Variants in SRCAP observed in about 807,000 individuals in gnomAD.
SRCAP encodes Snf2 related CREBBP activator protein.
A neutral mutation model predicts 263.1 loss-of-function variants in SRCAP; 46 were observed. The ratio of observed to expected loss-of-function variants is 0.17; its 90% CI spans 0.14 to 0.22. The LOEUF is 0.22. Ranked by LOEUF, SRCAP falls within the 10% of genes least tolerant of loss-of-function variation. The pLI, the probability that SRCAP is intolerant of heterozygous loss-of-function variation, is 1.00. For synonymous variants in SRCAP, 1,813 were observed against 1,662.1 expected, an observed-to-expected ratio of 1.09 and a Z score of -2.21; for missense variants, 3,695 against 4,181.9, an observed-to-expected ratio of 0.88 and a Z score of 3.21.
At chr16:30,734,470 A>G in intron 30 of SRCAP, 26 bp from the exon 31 acceptor site, 1 of 1,613,016 alleles carries the variant, frequency 6.2e-7, no homozygotes, top group Non-Finnish European at 8.5e-7. Flanking sequence ...GTTGACTCTG[A>G]CACTTCCCTC....
At chr16:30,731,348 G>T (rs74315902) in intron 27 of SRCAP, among the ~76,000 whole-genome samples, 2,585 of 152,274 alleles carry the variant, frequency 0.017, 48 homozygotes, top group Non-Finnish European at 0.024. Flanking sequence ...GCTGTCCAGG[G>T]TTAATCAGGT....
At chr16:30,727,615 C>T (rs994299106) in intron 25 of SRCAP, among the ~76,000 whole-genome samples, 2 of 152,106 alleles carry the variant, frequency 1.3e-5, no homozygotes, top group East Asian at 3.9e-4. Flanking sequence ...TGCAGTGGTG[C>T]GATCTCAGCT....
Position 30,710,838 on chromosome 16 carries a change from G to A in SRCAP, c.1219G>A (p.Glu407Lys), listed in dbSNP as rs2151287995. ...DEDDEEFTANEEEAEDEEDTI... is the reference protein window; with the variant it reads ...DEDDEEFTANKEEAEDEEDTI... ...AGATGATGAAGAGTTTACTGCCAAC[G>A]AAGAGGAAGGTCAGGGCTGTTCGGT... The change falls in exon 9 of 34, where the codon GAA becomes AAA. Residue 407 changes from glutamate (E) to lysine (K), a missense_variant. By Grantham distance (56) the Glu-to-Lys change is moderately conservative. Coordinates refer to ENST00000262518, the MANE Select transcript of SRCAP (RefSeq NM_006662.3). 1.9e-6 allele frequency: 3 copies of A among 1,614,148 alleles called. No homozygotes were observed. The highest frequency in any genetic ancestry group is 2.5e-6 in the Non-Finnish European group (3 of 1,180,010).
rs1314911843 is a variant in SRCAP at position 30,738,897 on chromosome 16, A to G, written c.8857A>G (p.Thr2953Ala). 1.2e-6 allele frequency: 2 copies of G among 1,613,958 alleles called. No homozygotes were observed. Among genetic ancestry groups the G allele is most frequent in the Non-Finnish European group, 1.7e-6 (2 of 1,180,028 alleles). Residue 2953 changes from threonine to alanine, a missense_variant, in exon 34 of 34, where the codon ACC becomes GCC. Around this residue, in one of 12 missense-constraint regions of SRCAP, gnomAD observed 1,207 missense variants for 1,142.9 expected, o/e 1.06. Transcript: ENST00000262518. ...PKARDLPIPG[T>A]ISSAGDGNSE... ...AGCACGAGATTTGCCCATCCCTGGG[A>G]CCATTTCCTCTGCAGGGGATGGCAA...
intron 1 of SRCAP, 55 bp downstream of exon 1, chr16:30,699,297 A>G (rs1313623515): frequency 5.0e-6 from 2 of 398,340 alleles, no homozygotes; most frequent in Non-Finnish European, 8.9e-6. Flanking sequence ...CAAAGCCGGC[A>G]CTGTGGTTTA....
intron 6 of SRCAP, 33 bp downstream of exon 6, chr16:30,707,745 CT>C (rs2052843498): frequency 6.2e-7 from 1 of 1,612,386 alleles, no homozygotes; most frequent in Non-Finnish European, 8.5e-7. Flanking sequence ...GGAAAATGGC[CT>C]TGGATTAGAT....
At chr16:30,730,132 G>A (rs2053099545) in intron 27 of SRCAP, among the ~76,000 whole-genome samples, 1 of 152,184 alleles carries the variant, frequency 6.6e-6, no homozygotes, top group South Asian at 2.1e-4. Context: ...ATCATTTTGT[G>A]AACATGTTAC....
intron 27 of SRCAP, among the ~76,000 whole-genome samples, chr16:30,732,673 G>A (rs1014323867): frequency 6.6e-6 from 1 of 152,122 alleles, no homozygotes; most frequent in Non-Finnish European, 1.5e-5. Context: ...TATGACTATT[G>A]TAATACTTAA....
chr16:30,722,647 C>G lies in SRCAP; in HGVS notation c.3791C>G (p.Ala1264Gly). 6.2e-7 allele frequency: 1 copy of G among 1,614,070 alleles called. No individual in the cohort carries two copies. The highest frequency in any genetic ancestry group is 8.5e-7 in the Non-Finnish European group (1 of 1,180,006). ...PAHVALIQAV[A>G]PTPGPTPVSV... Reference sequence around the variant, plus strand: ...CATGTGGCCCTCATCCAGGCCGTGGCCCCGACCCCTGGCCCTACCCCTGTC... The same window carrying G: ...CATGTGGCCCTCATCCAGGCCGTGGGCCCGACCCCTGGCCCTACCCCTGTC... The change falls in exon 23 of 34, where the codon GCC becomes GGC. Residue 1264 changes from alanine (A) to glycine (G), a missense_variant. By Grantham distance (60) the Ala-to-Gly change is moderately conservative (BLOSUM62 0). Coordinates refer to ENST00000262518, the MANE Select transcript of SRCAP (RefSeq NM_006662.3).
rs1360501776 is a variant in SRCAP at position 30,737,381 on chromosome 16, A to G, written c.7341A>G (p.Pro2447=). 1 of 1,613,242 alleles carries G rather than the reference A, an allele frequency of 6.2e-7. No individual in the cohort carries two copies. Among genetic ancestry groups the G allele is most frequent in the Admixed American group, 1.7e-5 (1 of 59,916 alleles). The change falls in exon 34 of 34, where the codon CCA becomes CCG. Residue 2447 remains proline, a synonymous_variant. Transcript: ENST00000262518. ...CAGCACCTAGGCCTCGACCCACTCC[A>G]GCTTCAGCTCCGGCTGCAATTCCTG... ...PRPAPRPRPT[P]ASAPAAIPAL...
Position 30,733,639 on chromosome 16 carries a change from T to G in SRCAP, c.6335T>G (p.Phe2112Cys). The G allele has an allele frequency of 6.2e-7, 1 of 1,614,184 alleles. No individual in the cohort carries two copies. Among genetic ancestry groups the G allele is most frequent in the Middle Eastern group, 1.6e-4 (1 of 6,062 alleles). The change falls in exon 29 of 34, where the codon TTC (phenylalanine) becomes TGC (cysteine). Residue 2112 changes from phenylalanine (F) to cysteine (C), a missense_variant. Transcript: ENST00000262518. This position sits in a 1 kb window ranked among gnomAD's most constrained non-coding sequence, Gnocchi z 5.3. ...CGGTTCAATGCAGACAAACGCATAT[T>G]CTGCTTCATCCTTTCAACTCGGAGT... Reference protein sequence around the residue: ...MERFNADKRIFCFILSTRSGG... With the variant: ...MERFNADKRICCFILSTRSGG...
Position 30,718,184 on chromosome 16 carries a change from TTGGG to T in SRCAP, c.2817+1710_2817+1713del, listed in dbSNP as rs533208802. On this transcript the variant is annotated intron_variant, in intron 18 of 33. Coordinates refer to ENST00000262518, the MANE Select transcript of SRCAP (RefSeq NM_006662.3). ...TACCACACCTAGTTTTAATTTTTTT[TTGGG>T]TGGGGGGGGCAGAGTTCTGCTCTTG... Among the ~76,000 whole-genome samples the T allele has an allele frequency of 3.1e-3, 470 of 152,010 alleles. 1 individual carries two copies. The highest frequency in any genetic ancestry group is 5.0e-3 in the Non-Finnish European group (340 of 67,932).
At chr16:30,734,724 C>G (rs1221410655) in intron 31 of SRCAP, 109 bp downstream of exon 31, 1 of 1,505,718 alleles carries the variant, frequency 6.6e-7, no homozygotes, top group Non-Finnish European at 9.0e-7. Context: ...TCTTCTGCTT[C>G]CCAGATTACA....
chr16:30,710,705 C>G (rs2052879980), intron 8 of SRCAP, 49 bp from the exon 9 acceptor site: 6 of 1,587,786 alleles, frequency 3.8e-6, no homozygotes, highest in Non-Finnish European at 5.2e-6. Flanking sequence ...TGCCATTCTT[C>G]TGCTACTGTA....
chr16:30,707,443 G>A, intron 5 of SRCAP, 75 bp downstream of exon 5: 2 of 1,603,624 alleles, frequency 1.2e-6, no homozygotes, highest in Non-Finnish European at 1.7e-6. Flanking sequence ...AAGGGGACCA[G>A]ACAGAATGGT....
chr16:30,739,871 A>C lies in SRCAP; in HGVS notation c.*138A>C. 3.8e-6 allele frequency: 5 copies of C among 1,318,582 alleles called. No individual in the cohort carries two copies. Among genetic ancestry groups the C allele is most frequent in the Non-Finnish European group, 5.0e-6 (5 of 1,007,742 alleles). The allele number at this position is 1,318,582 out of a possible 1,614,324, so 81.7% of individuals were successfully genotyped here. ...AGGGGCCTTCTCCCTTCTTCCCACCAAAGTAGGGGGTAGGCAACTGGTTGT... is the reference window on the plus strand; with the variant it reads ...AGGGGCCTTCTCCCTTCTTCCCACCCAAGTAGGGGGTAGGCAACTGGTTGT... On this transcript the variant is annotated 3_prime_UTR_variant, in exon 34 of 34. Coordinates refer to ENST00000262518, the MANE Select transcript of SRCAP (RefSeq NM_006662.3).
intron 3 of SRCAP, among the ~76,000 whole-genome samples, chr16:30,701,890 C>T (rs1465098575): frequency 4.0e-5 from 6 of 151,608 alleles, no homozygotes; most frequent in South Asian, 4.2e-4. Context: ...CCTTGGCCTC[C>T]CAAAGTATTA....
Position 30,712,339 on chromosome 16 carries a change from C to T in SRCAP, c.1893C>T (p.Thr631=). 6.2e-7 allele frequency: 1 copy of T among 1,613,486 alleles called. No individual in the cohort carries two copies. Among genetic ancestry groups the T allele is most frequent in the Non-Finnish European group, 8.5e-7 (1 of 1,179,692 alleles). The change falls in exon 13 of 34, where the codon ACC becomes ACT. Residue 631 remains threonine (T), a synonymous_variant. Coordinates refer to ENST00000262518, the MANE Select transcript of SRCAP (RefSeq NM_006662.3). The part of the protein sequence containing the change: ...YQHIGLDWLV[T]MYEKKLNGIL... Reference sequence around the variant, plus strand: ...ACATTGGGCTAGACTGGCTGGTTACCATGTATGAGAAGAAGCTTAATGGCA... The same window carrying T: ...ACATTGGGCTAGACTGGCTGGTTACTATGTATGAGAAGAAGCTTAATGGCA...
Position 30,704,173 on chromosome 16 carries a change from C to T in SRCAP, c.164C>T (p.Ser55Phe), listed in dbSNP as rs2052800555. Residue 55 changes from serine (S) to phenylalanine (F), a missense_variant, in exon 4 of 34, where the codon TCC becomes TTC. Ser to Phe is a radical substitution (Grantham distance 155, BLOSUM62 -2). Transcript: ENST00000262518. ...GISPQHIAQD[S>F]SLDGPPGPPD... The stretch of plus-strand genomic sequence containing the variant: ...TCCCCGCAGCACATAGCTCAAGATT[C>T]CTCACTGGATGGACCTCCAGGCCCC... 1.2e-6 allele frequency: 2 copies of T among 1,614,194 alleles called. No individual in the cohort carries two copies. The highest frequency in any genetic ancestry group is 1.7e-6 in the Non-Finnish European group (2 of 1,180,020).
Sources: gnomAD v4.1 joint callset for allele counts (sites outside exome capture counted in the v4.1 genomes callset) on GRCh38, gnomAD v4.1.1 for gene constraint, gnomAD v4.1.1 regional missense constraint, Gnocchi (gnomAD v3.1) non-coding constraint, MANE v1.5 for transcripts, NCBI Gene and HGNC (gene_info 2026-07-23, HGNC 2026-07-21) for gene names.